ZNF613: variants seen among roughly 807,000 people sequenced by gnomAD.
The protein encoded by ZNF613 is zinc finger protein 613.
In ZNF613, 8 loss-of-function variants were observed where a neutral mutation model predicts 14.3. That is an observed-to-expected ratio of 0.56 (90% CI 0.33 to 1.01). The LOEUF is 1.01. ZNF613 is among the 50% of genes least tolerant of loss of function. The probability of loss-of-function intolerance (pLI) is 0.03; values close to 1 mark genes in which losing one functional copy is unlikely to be tolerated. For synonymous variants in ZNF613, 228 were observed against 254.5 expected, an observed-to-expected ratio of 0.90 and a Z score of 0.99; for missense variants, 656 against 741.9, an observed-to-expected ratio of 0.88 and a Z score of 1.35.
rs2085385418 is a variant in ZNF613 at position 51,945,040 on chromosome 19, A to G, written c.1157A>G (p.Asn386Ser). 6.2e-7 allele frequency: 1 copy of G among 1,614,192 alleles called. No individual in the cohort carries two copies. The highest frequency in any genetic ancestry group is 2.2e-5 in the East Asian group (1 of 44,882). Residue 386 changes from asparagine (N) to serine (S), a missense_variant, in exon 6 of 6, where the codon AAT becomes AGT. Physicochemically the swap from Asn to Ser is conservative, Grantham distance 46 (BLOSUM62 1). Transcript: ENST00000293471. ...DCGKGFIQKGNLIVHQRIHTG... is the reference protein window; with the variant it reads ...DCGKGFIQKGSLIVHQRIHTG... ...GGAAAAGGCTTCATTCAGAAGGGAA[A>G]TCTCATTGTACATCAGCGAATTCAT...
At chr19:51,932,919 A>G (rs56945014) in intron 2 of ZNF613, among the ~76,000 whole-genome samples, 40,212 of 151,990 alleles carry the variant, frequency 0.26, 5,600 homozygotes, top group South Asian at 0.51. Flanking sequence ...GCTCAAAGCA[A>G]TCCTCCTGCC....
rs185196650 is a variant in ZNF613, at chr19:51,941,209, G to A, written c.235+500G>A. ...GGCCTCCCAAAGTGCTGGGATTACA[G>A]GTGTGAGCCACCACACCCGGCCTCA... On this transcript the variant is annotated intron_variant, in intron 5 of 5. Transcript: ENST00000293471. 6.6e-5 allele frequency among the ~76,000 whole-genome samples: 10 copies of A among 152,302 alleles called. No individual in the cohort carries two copies. In the East Asian group the frequency reaches 1.9e-3, roughly 30 times the overall value.
At position 51,944,862 on chromosome 19, in the gene ZNF613, A is replaced by G. The variant is rs1412550868; in HGVS notation, c.979A>G (p.Lys327Glu). Residue 327 changes from lysine (K) to glutamate (E), a missense_variant, in exon 6 of 6, where the codon AAA becomes GAA. Transcript: ENST00000293471. ...CAGCCTGTGTGGGAAGGCCTTCTCC[A>G]AAAGGTCCAGGCTCACTGAACACCA... ...GCSLCGKAFS[K>E]RSRLTEHQRT... The G allele has an allele frequency of 6.2e-7, 1 of 1,613,634 alleles. No homozygotes were observed. The highest frequency in any genetic ancestry group is 8.5e-7 in the Non-Finnish European group (1 of 1,179,974).
At chr19:51,935,727 A>G (rs983820432) in intron 2 of ZNF613, among the ~76,000 whole-genome samples, 1 of 152,186 alleles carries the variant, frequency 6.6e-6, no homozygotes, top group Non-Finnish European at 1.5e-5. Context: ...AACCTGATCT[A>G]AGAAGTTTCT....
rs910560905 is a variant in ZNF613 at position 51,938,176 on chromosome 19, T to C, written c.15+1941T>C. Among the ~76,000 whole-genome samples, 4 of 144,866 alleles carry C rather than the reference T, an allele frequency of 2.8e-5. No homozygotes were observed. The South Asian group carries it at 9.0e-4, about 33-fold the overall frequency. ...TTACCCAAGGACCCAGTCTTATGGC[T>C]GGTAGGGTCATCCAGGAATAAAACC... is the stretch of plus-strand genomic sequence containing the variant. On this transcript the variant is annotated intron_variant, in intron 3 of 5. Coordinates refer to ENST00000293471, the MANE Select transcript of ZNF613 (RefSeq NM_001031721.4).
chr19:51,942,912 T>C (rs1315971793), intron 5 of ZNF613: 1 of 152,258 alleles, frequency 6.6e-6, no homozygotes, highest in Non-Finnish European at 1.5e-5. Context: ...TTGGCCAGGA[T>C]GGTCTTGATC....
At chr19:51,940,520 A>G (rs1385378835) in intron 4 of ZNF613, 97 bp from the exon 5 acceptor site, 1 of 1,487,158 alleles carries the variant, frequency 6.7e-7, no homozygotes, top group East Asian at 2.3e-5. Flanking sequence ...TTGCAGACAC[A>G]TAAATTACAT....
intron 3 of ZNF613, 66 bp downstream of exon 3, chr19:51,936,301 C>T: frequency 1.3e-6 from 2 of 1,515,918 alleles, no homozygotes; most frequent in Non-Finnish European, 1.8e-6. Context: ...CTTTAAAAGT[C>T]AGTTGAATTA....
intron 3 of ZNF613, among the ~76,000 whole-genome samples, chr19:51,939,164 A>G (rs1335488406): frequency 2.6e-5 from 4 of 151,676 alleles, no homozygotes; most frequent in Admixed American, 2.6e-4. Flanking sequence ...CATTTTTGGT[A>G]GTTTTTTCAG....
At chr19:51,937,971 T>C (rs577470736) in intron 3 of ZNF613, among the ~76,000 whole-genome samples, 1 of 152,028 alleles carries the variant, frequency 6.6e-6, no homozygotes, top group Admixed American at 6.6e-5. Context: ...CCTCAAATGA[T>C]CCTCCCACCT....
intron 3 of ZNF613, among the ~76,000 whole-genome samples, chr19:51,936,730 C>T (rs1464771180): frequency 6.6e-6 from 1 of 152,168 alleles, no homozygotes; most frequent in Non-Finnish European, 1.5e-5. Context: ...AGCAATCTGT[C>T]TCCCTTGGCC....
chr19:51,941,186 C>T (rs2085347312), intron 5 of ZNF613, among the ~76,000 whole-genome samples: 2 of 152,320 alleles, frequency 1.3e-5, no homozygotes, highest in South Asian at 4.1e-4. Context: ...CCTGCTTTGG[C>T]CTCCCAAAGT....
chr19:51,941,894 C>G (rs1313212227), intron 5 of ZNF613, among the ~76,000 whole-genome samples: 1 of 152,196 alleles, frequency 6.6e-6, no homozygotes, highest in Non-Finnish European at 1.5e-5. Flanking sequence ...GATTACTACA[C>G]CTCATGCCTG....
intron 5 of ZNF613, 40 bp from the exon 6 acceptor site, chr19:51,944,079 C>T: frequency 6.7e-7 from 1 of 1,490,306 alleles, no homozygotes; most frequent in Non-Finnish European, 8.9e-7. Context: ...TAGTTCTATT[C>T]CATGCTCATG....
Position 51,944,259 on chromosome 19 carries a change from C to T in ZNF613, c.376C>T (p.His126Tyr), listed in dbSNP as rs767095087. 5 of 1,609,794 alleles carry T rather than the reference C, an allele frequency of 3.1e-6. No homozygotes were observed. The East Asian group carries it at 1.1e-4, about 36-fold the overall frequency. Residue 126 changes from histidine (H) to tyrosine (Y), a missense_variant, in exon 6 of 6, where the codon CAT becomes TAT. Physicochemically the swap from His to Tyr is moderately conservative, Grantham distance 83 (BLOSUM62 2). Coordinates refer to ENST00000293471, the MANE Select transcript of ZNF613 (RefSeq NM_001031721.4). ...RKSDFPLRQN[H>Y]DTFDLHGKIL... is the part of the protein sequence containing the mutation. ...AAGTGATTTTCCTTTAAGGCAAAAT[C>T]ATGATACATTTGACTTACATGGGAA...
chr19:51,944,176 A>G lies in ZNF613; in HGVS notation c.293A>G (p.Lys98Arg). The G allele has an allele frequency of 6.4e-7, 1 of 1,574,592 alleles. No individual in the cohort carries two copies. The highest frequency in any genetic ancestry group is 8.6e-7 in the Non-Finnish European group (1 of 1,160,302). The change falls in exon 6 of 6, where the codon AAG becomes AGG. Residue 98 changes from lysine to arginine, a missense_variant. Physicochemically the swap from Lys to Arg is conservative, Grantham distance 26. Coordinates refer to ENST00000293471, the MANE Select transcript of ZNF613 (RefSeq NM_001031721.4). ...QMHSQKQRCLKRVEQCHKHNA... is the reference protein window; with the variant it reads ...QMHSQKQRCLRRVEQCHKHNA... The stretch of plus-strand genomic sequence containing the variant: ...CACTCACAAAAGCAAAGATGTCTGA[A>G]GAGAGTGGAACAATGCCATAAACAT...
At chr19:51,940,357 C>T in intron 4 of ZNF613, 22 bp downstream of exon 4, 2 of 1,612,910 alleles carry the variant, frequency 1.2e-6, no homozygotes, top group South Asian at 2.2e-5. Flanking sequence ...TGCCCTGTGT[C>T]ACTCAGAGAG....
intron 3 of ZNF613, among the ~76,000 whole-genome samples, chr19:51,938,613 T>G (rs1303308652): frequency 6.6e-6 from 1 of 151,876 alleles, no homozygotes; most frequent in East Asian, 1.9e-4. Flanking sequence ...AGGGTTTGCT[T>G]TACAACATCC....
chr19:51,930,371 C>T (rs1386619225), intron 2 of ZNF613, among the ~76,000 whole-genome samples: 1 of 152,074 alleles, frequency 6.6e-6, no homozygotes, highest in Non-Finnish European at 1.5e-5. Context: ...AAGTGATTCT[C>T]CTGCCTCAGC....
Sources: gnomAD v4.1 joint callset for allele counts (sites outside exome capture counted in the v4.1 genomes callset) on GRCh38, gnomAD v4.1.1 for gene constraint, MANE v1.5 for transcripts, NCBI Gene and HGNC (gene_info 2026-07-23, HGNC 2026-07-21) for gene names.